Variants in SERGEF observed in about 807,000 individuals in gnomAD.
SERGEF encodes the protein secretion regulating guanine nucleotide exchange factor, also known as secretion-regulating guanine nucleotide exchange factor.
A neutral mutation model predicts 50.0 loss-of-function variants in SERGEF; 51 were observed. The ratio of observed to expected loss-of-function variants is 1.02; its 90% confidence interval spans 0.81 to 1.29. SERGEF has a LOEUF of 1.29. SERGEF is among the 50% of genes most tolerant of loss of function. The probability of loss-of-function intolerance (pLI) is 0.00; values close to 1 mark genes in which losing one functional copy is unlikely to be tolerated. For missense variants in SERGEF, 521 were observed against 557.0 expected (o/e 0.94, Z 0.65); for synonymous variants, 205 against 212.4 (o/e 0.97, Z 0.30).
At chr11:17,934,911 T>C (rs1852421903) in intron 9 of SERGEF, among the ~76,000 whole-genome samples, 2 of 152,170 alleles carry the variant, frequency 1.3e-5, no homozygotes, top group South Asian at 4.1e-4. Context: ...AAACAGAATT[T>C]TCACTCAAAG....
At chr11:17,862,594 G>A (rs1206365000) in intron 10 of SERGEF, among the ~76,000 whole-genome samples, 1 of 152,188 alleles carries the variant, frequency 6.6e-6, no homozygotes, top group Non-Finnish European at 1.5e-5. Flanking sequence ...AGGGCTTTAG[G>A]TGCACCAAGG....
At chr11:17,934,498 T>G (rs1024308586) in intron 9 of SERGEF, among the ~76,000 whole-genome samples, 1 of 152,178 alleles carries the variant, frequency 6.6e-6, no homozygotes, top group Non-Finnish European at 1.5e-5. Flanking sequence ...ATCTGACAAC[T>G]CTCCTCTAGG....
Position 18,006,697 on chromosome 11 carries a change from C to T in SERGEF, c.246G>A (p.Gly82=), listed in dbSNP as rs2134013728. 1.9e-6 allele frequency: 3 copies of T among 1,614,150 alleles called. No individual in the cohort carries two copies. The highest frequency in any genetic ancestry group is 3.3e-5 in the Admixed American group (2 of 60,020). ...ATGGGATATCCTCTGTGTGACCAAG[C>T]CCCAGTTGCCCATCTTTGTTCAGGC... is the stretch of plus-strand genomic sequence containing the variant. ...VCGLNKDGQL[G]LGHTEDIPYF... is the part of the protein sequence containing the mutation. The change falls in exon 3 of 11, where the codon GGG becomes GGA. Residue 82 remains glycine, a synonymous_variant. Transcript: ENST00000265965.
At chr11:17,807,133 T>C (rs1161342735) in intron 10 of SERGEF, among the ~76,000 whole-genome samples, 1 of 152,170 alleles carries the variant, frequency 6.6e-6, no homozygotes, top group Non-Finnish European at 1.5e-5. Flanking sequence ...CTTGCTCTGT[T>C]TATAATGGAG....
intron 10 of SERGEF, among the ~76,000 whole-genome samples, chr11:17,828,982 T>C (rs1300915159): frequency 1.3e-5 from 2 of 152,218 alleles, no homozygotes; most frequent in Non-Finnish European, 2.9e-5. Context: ...TTAACTCTTC[T>C]AGTCCCTTGC....
At chr11:17,830,678 G>GAA (rs1208769745) in intron 10 of SERGEF, among the ~76,000 whole-genome samples, 1 of 149,138 alleles carries the variant, frequency 6.7e-6, no homozygotes, top group Non-Finnish European at 1.5e-5. Flanking sequence ...GAGAGAGAGA[G>GAA]AGAGAGAGAG....
Position 17,991,870 on chromosome 11 carries a change from A to G in SERGEF, c.685+1061T>C, listed in dbSNP as rs1171057871. Reference sequence around the variant, plus strand: ...ATGGGCACACCTGAATTTCCACATAAAACACTAAGTACGGAAGTCCCTCCT... The same window carrying G: ...ATGGGCACACCTGAATTTCCACATAGAACACTAAGTACGGAAGTCCCTCCT... On this transcript the variant is annotated intron_variant, in intron 7 of 10. Transcript: ENST00000265965. The surrounding 1 kb of genome is among the most constrained non-coding windows in gnomAD (Gnocchi z 4.9). Among the ~76,000 whole-genome samples the G allele has an allele frequency of 6.6e-6, 1 of 152,220 alleles. No individual in the cohort carries two copies. The highest frequency in any genetic ancestry group is 1.5e-5 in the Non-Finnish European group (1 of 68,044).
intron 9 of SERGEF, among the ~76,000 whole-genome samples, chr11:17,937,181 T>C (rs901466051): frequency 1.3e-5 from 2 of 152,114 alleles, no homozygotes; most frequent in African/African-American, 4.8e-5. Flanking sequence ...AAAGCAAACA[T>C]ACTATCTATA....
intron 10 of SERGEF, among the ~76,000 whole-genome samples, chr11:17,814,065 G>A (rs1849921517): frequency 6.6e-6 from 1 of 152,206 alleles, no homozygotes; most frequent in Non-Finnish European, 1.5e-5. Flanking sequence ...TAAAAAGGAG[G>A]GAGGAAGGGA....
chr11:17,899,096 C>T (rs562308641), intron 9 of SERGEF, among the ~76,000 whole-genome samples: 1 of 152,290 alleles, frequency 6.6e-6, no homozygotes, highest in African/African-American at 2.4e-5. Flanking sequence ...CTCAGGCCTT[C>T]CCAGAAGCAG....
At chr11:17,904,343 A>C (rs1851800887) in intron 9 of SERGEF, among the ~76,000 whole-genome samples, 1 of 152,204 alleles carries the variant, frequency 6.6e-6, no homozygotes, top group Non-Finnish European at 1.5e-5. Context: ...CTCTTAAGAT[A>C]AATGTCCATG....
At chr11:17,932,552 C>T (rs1159872125) in intron 9 of SERGEF, among the ~76,000 whole-genome samples, 2 of 152,000 alleles carry the variant, frequency 1.3e-5, no homozygotes, top group Admixed American at 1.3e-4. Context: ...ATTTGTTGAG[C>T]TCTGAATAAA....
At chr11:17,890,331 A>C (rs149188488) in intron 9 of SERGEF, among the ~76,000 whole-genome samples, 6 of 152,356 alleles carry the variant, frequency 3.9e-5, no homozygotes, top group Non-Finnish European at 8.8e-5. Flanking sequence ...TACAACTGAA[A>C]GAGTGAGATA....
At chr11:17,977,968 T>C (rs913579685) in intron 8 of SERGEF, among the ~76,000 whole-genome samples, 2 of 152,196 alleles carry the variant, frequency 1.3e-5, no homozygotes, top group African/African-American at 4.8e-5. Context: ...AATAAGATAG[T>C]CAATTGCTAC....
chr11:17,805,731 G>T (rs1054012222), intron 10 of SERGEF, among the ~76,000 whole-genome samples: 5 of 152,182 alleles, frequency 3.3e-5, no homozygotes, highest in African/African-American at 1.2e-4. Context: ...AGAGTCAAAA[G>T]ATGGGTGCGA....
rs576855603 is a variant in SERGEF at position 17,917,781 on chromosome 11, GCAGAAT to G, written c.1012-39543_1012-39538del. On this transcript the variant is annotated intron_variant, in intron 9 of 10. Coordinates refer to ENST00000265965, the MANE Select transcript of SERGEF (RefSeq NM_012139.4). ...TCAGCAGCATAGGAATGCTGGAAAT[GCAGAAT>G]CTCAGGTCCCAACCCAGACTGACTA... Among the ~76,000 whole-genome samples the G allele has an allele frequency of 3.3e-3, 501 of 152,292 alleles. 1 individual carries two copies. The highest frequency in any genetic ancestry group is 0.011 in the African/African-American group (465 of 41,558).
rs1197733010 is a variant in SERGEF, at chr11:17,845,704, T to A, written c.1048+32504A>T. On this transcript the variant is annotated intron_variant, in intron 10 of 10. Transcript: ENST00000265965. The stretch of plus-strand genomic sequence containing the variant: ...TGACTAAGACTGATACTGTGACTCA[T>A]GTTTATAATCCATAACCACAGAGTC... Among the ~76,000 whole-genome samples, 3 of 152,224 alleles carry A rather than the reference T, an allele frequency of 2.0e-5. No homozygotes were observed. In the East Asian group the frequency reaches 5.8e-4, roughly 29 times the overall value.
At chr11:17,817,339 C>T (rs1420408338) in intron 10 of SERGEF, among the ~76,000 whole-genome samples, 1 of 151,920 alleles carries the variant, frequency 6.6e-6, no homozygotes, top group Non-Finnish European at 1.5e-5. Context: ...CTCAGCCTCC[C>T]AAATAGCTGA....
intron 10 of SERGEF, among the ~76,000 whole-genome samples, chr11:17,829,956 A>C (rs1043099526): frequency 6.6e-6 from 1 of 152,198 alleles, no homozygotes; most frequent in Admixed American, 6.5e-5. Flanking sequence ...AATTTAATGG[A>C]ATGGAAGAAG....
Sources: gnomAD v4.1 joint callset for allele counts (sites outside exome capture counted in the v4.1 genomes callset) on GRCh38, gnomAD v4.1.1 for gene constraint, Gnocchi (gnomAD v3.1) non-coding constraint, MANE v1.5 for transcripts, NCBI Gene and HGNC (gene_info 2026-07-23, HGNC 2026-07-21) for gene names.